Variants in TMCC1 observed in about 807,000 individuals in gnomAD.
TMCC1 encodes the protein transmembrane and coiled-coil domains protein 1.
A neutral mutation model predicts 52.4 loss-of-function variants in TMCC1; 15 were observed. The observed-to-expected ratio is 0.29, with a 90% CI of 0.19 to 0.44. The LOEUF (loss-of-function observed/expected upper bound fraction) is 0.44, where lower values mean the gene tolerates loss of function less well. Among genes scored for constraint, TMCC1 ranks in the 20% least tolerant of loss-of-function variants. The pLI is 1.00. For missense variants in TMCC1, 503 were observed against 806.0 expected, an observed-to-expected ratio of 0.62 and a Z score of 4.55; for synonymous variants, 279 against 301.9, an observed-to-expected ratio of 0.92 and a Z score of 0.79.
chr3:129,884,745 T>G (rs1274394190), intron 1 of TMCC1, among the ~76,000 whole-genome samples: 2 of 152,330 alleles, frequency 1.3e-5, no homozygotes, highest in East Asian at 3.9e-4. Context: ...TTGAAGGGCT[T>G]GCCTACAGAG....
intron 1 of TMCC1, among the ~76,000 whole-genome samples, chr3:129,880,886 A>G (rs1260625864): frequency 6.8e-6 from 1 of 146,114 alleles, no homozygotes; most frequent in Non-Finnish European, 1.5e-5. Flanking sequence ...TTTTTGAGAC[A>G]GAGTTTTGCT....
chr3:129,816,935 AG>A (rs1218600053), intron 4 of TMCC1, among the ~76,000 whole-genome samples: 1 of 152,070 alleles, frequency 6.6e-6, no homozygotes, highest in African/African-American at 2.4e-5. Context: ...AGGGTGAGGC[AG>A]GAGGATTGCT....
At chr3:129,684,348 G>T (rs1316757281) in intron 4 of TMCC1, among the ~76,000 whole-genome samples, 1 of 152,218 alleles carries the variant, frequency 6.6e-6, no homozygotes, top group Non-Finnish European at 1.5e-5. Context: ...TACTTAAATG[G>T]TAAGGATCCA....
intron 4 of TMCC1, among the ~76,000 whole-genome samples, chr3:129,692,628 G>C (rs2047106415): frequency 6.6e-6 from 1 of 152,140 alleles, no homozygotes; most frequent in African/African-American, 2.4e-5. Flanking sequence ...TAAGATGCTT[G>C]TGTATGACGT....
intron 2 of TMCC1, among the ~76,000 whole-genome samples, chr3:129,872,609 T>TCA (rs1327303832): frequency 6.6e-6 from 1 of 152,154 alleles, no homozygotes; most frequent in Non-Finnish European, 1.5e-5. Context: ...CATATCCTGT[T>TCA]TTTGAATGCA....
chr3:129,781,534 G>C (rs1472717852), intron 4 of TMCC1, among the ~76,000 whole-genome samples: 1 of 152,074 alleles, frequency 6.6e-6, no homozygotes, highest in East Asian at 1.9e-4. Flanking sequence ...ATACAACTTA[G>C]TTTTATCTTC....
intron 4 of TMCC1, among the ~76,000 whole-genome samples, chr3:129,677,135 C>T (rs912870894): frequency 6.6e-6 from 1 of 151,652 alleles, no homozygotes; most frequent in African/African-American, 2.4e-5. Context: ...TATGGTGGCA[C>T]ACGTCTGTAG....
In TMCC1 at chr3:129,828,161, A is replaced by C. The variant is rs747620522; in HGVS notation, c.218T>G (p.Ile73Ser). 6.2e-7 allele frequency: 1 copy of C among 1,614,124 alleles called. No homozygotes were observed. The highest frequency in any genetic ancestry group is 8.5e-7 in the Non-Finnish European group (1 of 1,180,018). Reference sequence around the variant, plus strand: ...CATTTCAGGTTCTGGATCTGCCTGAATTTGCTGCACATCATGTGGAGACAC... The same window carrying C: ...CATTTCAGGTTCTGGATCTGCCTGACTTTGCTGCACATCATGTGGAGACAC... ...SSVSPHDVQQ[I>S]QADPEPEMDL... The change falls in exon 4 of 7, where the codon ATT becomes AGT. Residue 73 changes from isoleucine (I) to serine (S), a missense_variant. By Grantham distance (142) the Ile-to-Ser change is moderately radical (BLOSUM62 -2). This residue lies in a region of TMCC1 where 217 missense variants were observed against 297.9 expected (regional missense o/e 0.73). Transcript: ENST00000393238. This position sits in a 1 kb window ranked among gnomAD's most constrained non-coding sequence, Gnocchi z 4.1.
At chr3:129,762,995 G>A (rs1391026318) in intron 4 of TMCC1, among the ~76,000 whole-genome samples, 2 of 151,338 alleles carry the variant, frequency 1.3e-5, no homozygotes, top group African/African-American at 2.4e-5. Context: ...TCAGGAGATC[G>A]AGACCACCCT....
chr3:129,870,249 T>C (rs1483084501), intron 2 of TMCC1, among the ~76,000 whole-genome samples: 1 of 152,126 alleles, frequency 6.6e-6, no homozygotes, highest in African/African-American at 2.4e-5. Context: ...ATTTCATTTT[T>C]TTCTCCTCCA....
At chr3:129,767,259 TAA>T (rs574438436) in intron 4 of TMCC1, among the ~76,000 whole-genome samples, 66 of 132,482 alleles carry the variant, frequency 5.0e-4, no homozygotes, top group Non-Finnish European at 4.4e-4. Flanking sequence ...ACGCTGTCTT[TAA>T]AAAAAAAAAA....
At chr3:129,886,291 G>T (rs1224904320) in intron 1 of TMCC1, among the ~76,000 whole-genome samples, 3 of 152,100 alleles carry the variant, frequency 2.0e-5, no homozygotes, top group Non-Finnish European at 4.4e-5. Flanking sequence ...ATTCACTAAG[G>T]AATACCATAT....
Position 129,828,550 on chromosome 3 carries a change from C to T in TMCC1, c.-130-42G>A. 1 of 609,362 alleles carries T rather than the reference C, an allele frequency of 1.6e-6. No individual in the cohort carries two copies. Among genetic ancestry groups the T allele is most frequent in the South Asian group, 2.5e-5 (1 of 39,426 alleles). The allele number at this position is 609,362 out of a possible 1,614,324, so 37.7% of individuals were successfully genotyped here. ...AAAAACAAAAAAACAAAAAAAAAAC[C>T]TTATATTATAAATCCATGCAGAAAC... is the stretch of plus-strand genomic sequence containing the variant. On this transcript the variant is annotated intron_variant, in intron 3 of 6. Transcript: ENST00000393238. The surrounding 1 kb of genome is among the most constrained non-coding windows in gnomAD (Gnocchi z 4.1).
At chr3:129,823,960 T>C (rs1335115143) in intron 4 of TMCC1, among the ~76,000 whole-genome samples, 4 of 152,012 alleles carry the variant, frequency 2.6e-5, no homozygotes, top group Non-Finnish European at 5.9e-5. Context: ...GGTTAAAGAG[T>C]GAACTCTACT....
At chr3:129,764,952 C>T (rs2054005769) in intron 4 of TMCC1, among the ~76,000 whole-genome samples, 2 of 150,394 alleles carry the variant, frequency 1.3e-5, no homozygotes, top group South Asian at 4.2e-4. Flanking sequence ...CAGGCACACG[C>T]CACCATACCC....
intron 4 of TMCC1, among the ~76,000 whole-genome samples, chr3:129,711,684 A>G (rs1189489612): frequency 6.6e-6 from 1 of 151,716 alleles, no homozygotes; most frequent in Non-Finnish European, 1.5e-5. Flanking sequence ...AACTCTACTA[A>G]TAAGATAATA....
chr3:129,886,037 G>A lies in TMCC1; in HGVS notation c.-434-5478C>T, dbSNP rs542216794. Among the ~76,000 whole-genome samples the A allele has an allele frequency of 2.1e-3, 323 of 152,186 alleles. 1 individual carries two copies. Among genetic ancestry groups the A allele is most frequent in the Non-Finnish European group, 3.2e-3 (218 of 67,996 alleles). On this transcript the variant is annotated intron_variant, in intron 1 of 6. Transcript: ENST00000393238. ...ATTACAGGCGTGAGCCACTGTGCCC[G>A]GCTTGAATACATAATGTTAAATGCA...
intron 2 of TMCC1, among the ~76,000 whole-genome samples, chr3:129,861,518 G>T (rs570891586): frequency 1.3e-5 from 2 of 152,238 alleles, no homozygotes; most frequent in Non-Finnish European, 2.9e-5. Flanking sequence ...GTTAAAACAA[G>T]ACTTTAAATA....
intron 4 of TMCC1, among the ~76,000 whole-genome samples, chr3:129,763,542 CAAAAAAAAAAAA>C (rs11354197): frequency 4.5e-5 from 2 of 44,664 alleles, no homozygotes; most frequent in African/African-American, 1.6e-4. Flanking sequence ...GACCCTGTCT[CAAAAAAAAAAAA>C]AAAAAAAAAA....
Sources: gnomAD v4.1 joint callset for allele counts (sites outside exome capture counted in the v4.1 genomes callset) on GRCh38, gnomAD v4.1.1 for gene constraint, gnomAD v4.1.1 regional missense constraint, Gnocchi (gnomAD v3.1) non-coding constraint, MANE v1.5 for transcripts, NCBI Gene and HGNC (gene_info 2026-07-23, HGNC 2026-07-21) for gene names.